The following DOLK variants were observed in gnomAD, a reference collection of about 807,000 sequenced individuals.
The protein encoded by DOLK is SEC59 homolog.
A neutral mutation model predicts 31.7 loss-of-function variants in DOLK; 20 were observed. The ratio of observed to expected loss-of-function variants is 0.63; its 90% CI spans 0.44 to 0.92. DOLK has a LOEUF of 0.92. DOLK is among the 40% of genes least tolerant of loss of function. The probability of loss-of-function intolerance (pLI) is 0.00; values close to 1 mark genes in which losing one functional copy is unlikely to be tolerated. For missense variants in DOLK, 594 were observed against 680.7 expected, an observed-to-expected ratio of 0.87 and a Z score of 1.42; for synonymous variants, 309 against 287.0, an observed-to-expected ratio of 1.08 and a Z score of -0.77.
Position 128,945,967 on chromosome 9 carries a change from G to GC in DOLK, c.1336dup (p.Ala446GlyfsTer6). ...GGCCACAGTATCACCCACACCCACAGCCAGGACACCGGCATAGGGGACGAG... is the reference window on the plus strand; with the variant it reads ...GGCCACAGTATCACCCACACCCACAGCCCAGGACACCGGCATAGGGGACGAG... On this transcript the variant is annotated frameshift_variant, in exon 1 of 1. Transcript: ENST00000372586. LOFTEE classifies it high-confidence loss of function. The GC allele has an allele frequency of 6.2e-7, 1 of 1,614,144 alleles. No individual in the cohort carries two copies. Among genetic ancestry groups the GC allele is most frequent in the Non-Finnish European group, 8.5e-7 (1 of 1,180,040 alleles).
rs752312814 is a variant in DOLK, at chr9:128,945,765, C to T, written c.1539G>A (p.Val513=). The change falls in exon 1 of 1, where the codon GTG becomes GTA. Residue 513 remains valine, a synonymous_variant. Transcript: ENST00000372586. ...YAWILGSIST[V]SLLEAYTTQI... ...GTGTAGTGTATGCTTCCAGGAGGGA[C>T]ACAGTGCTGATGGACCCCAAAATCC... 7 of 1,614,080 alleles carry T rather than the reference C, an allele frequency of 4.3e-6. No homozygotes were observed.
At position 128,946,665 on chromosome 9, in the gene DOLK, CAGAG is replaced by C. The variant is rs1385865865; in HGVS notation, c.635_638del (p.Ser212Ter). 3.7e-6 allele frequency: 6 copies of C among 1,614,016 alleles called. No individual in the cohort carries two copies. The highest frequency in any genetic ancestry group is 2.2e-5 in the South Asian group (2 of 91,074). On this transcript the variant is annotated frameshift_variant, in exon 1 of 1. Transcript: ENST00000372586. LOFTEE classifies it high-confidence loss of function. Reference sequence around the variant, plus strand: ...GGTCCCCCTGACTTTCCACCAGTGTCAGAGAGCGCTTGATGAGCTGGTTGAGGAC... The same window carrying C: ...GGTCCCCCTGACTTTCCACCAGTGTCAGCGCTTGATGAGCTGGTTGAGGAC...
chr9:128,946,572 C>T lies in DOLK; in HGVS notation c.732G>A (p.Leu244=), dbSNP rs1443741193. The T allele has an allele frequency of 1.9e-6, 3 of 1,614,000 alleles. No homozygotes were observed. The highest frequency in any genetic ancestry group is 1.7e-6 in the Non-Finnish European group (2 of 1,180,016). The change falls in exon 1 of 1, where the codon CTG becomes CTA. Residue 244 remains leucine, a synonymous_variant. Transcript: ENST00000372586. ...AGGTGCCTGAGTCCATGAAGACAAA[C>T]AGAGTGCTGAAGAAAATGCCCATGA... The part of the protein sequence containing the change: ...MVLMGIFFST[L]FVFMDSGTWA...
chr9:128,947,136 G>A lies in DOLK; in HGVS notation c.168C>T (p.Val56=). The change falls in exon 1 of 1, where the codon GTC becomes GTT. Residue 56 remains valine, a synonymous_variant. Coordinates refer to ENST00000372586, the MANE Select transcript of DOLK (RefSeq NM_014908.4). The part of the protein sequence containing the change: ...AVALAVQAFY[V]QYKWDRLLQQ... ...GTAGCAGCCGGTCCCACTTGTATTG[G>A]ACGTAGAAGGCCTGCACTGCGAGGG... is the stretch of plus-strand genomic sequence containing the variant. 1 of 1,613,950 alleles carries A rather than the reference G, an allele frequency of 6.2e-7. No individual in the cohort carries two copies. Among genetic ancestry groups the A allele is most frequent in the Non-Finnish European group, 8.5e-7 (1 of 1,180,022 alleles).
Position 128,946,301 on chromosome 9 carries a change from T to C in DOLK, c.1003A>G (p.Ile335Val). 6.2e-7 allele frequency: 1 copy of C among 1,614,030 alleles called. No homozygotes were observed. Among genetic ancestry groups the C allele is most frequent in the Non-Finnish European group, 8.5e-7 (1 of 1,179,998 alleles). Residue 335 changes from isoleucine (I) to valine (V), a missense_variant, in exon 1 of 1, where the codon ATC (isoleucine) becomes GTC (valine). Ile to Val is a conservative substitution (Grantham distance 29, BLOSUM62 3). Transcript: ENST00000372586. ...SESKKHQAPTIARKYFHLIVV... is the reference protein window; with the variant it reads ...SESKKHQAPTVARKYFHLIVV... ...ATGAGGTGGAAATACTTTCGGGCGA[T>C]GGTGGGGGCCTGGTGCTTCTTGGAC...
In DOLK at chr9:128,945,736, AT is replaced by A; in HGVS notation, c.1567del (p.Ile523Ter). The A allele has an allele frequency of 2.5e-6, 4 of 1,614,148 alleles. No homozygotes were observed. The highest frequency in any genetic ancestry group is 3.4e-6 in the Non-Finnish European group (4 of 1,180,018). The stretch of plus-strand genomic sequence containing the variant: ...GTAGAGAGGCAGAAGGAGATTGTCT[AT>A]CTGTGTAGTGTATGCTTCCAGGAGG... ...VSLLEAYTTQIDNLLLPLYLL... is the reference protein window; with the variant it reads ...VSLLEAYTTQXDNLLLPLYLL... On this transcript the variant is annotated frameshift_variant, in exon 1 of 1. Transcript: ENST00000372586. LOFTEE classifies it high-confidence loss of function.
In DOLK at chr9:128,946,500, A is replaced by G; in HGVS notation, c.804T>C (p.Leu268=). The G allele has an allele frequency of 6.2e-7, 1 of 1,614,118 alleles. No homozygotes were observed. The highest frequency in any genetic ancestry group is 1.3e-5 in the African/African-American group (1 of 75,004). Residue 268 remains leucine (L), a synonymous_variant, in exon 1 of 1, where the codon CTT becomes CTC. Coordinates refer to ENST00000372586, the MANE Select transcript of DOLK (RefSeq NM_014908.4). ...GGTGCAGCCAGGGTAGGACCACACC[A>G]AGGCTCAGCACACAGGTCATGAGGT... ...FFHLMTCVLS[L]GVVLPWLHRL... is the part of the protein sequence containing the mutation.
At position 128,945,835 on chromosome 9, in the gene DOLK, A is replaced by T. The variant is rs1249240066; in HGVS notation, c.1469T>A (p.Ile490Asn). Residue 490 changes from isoleucine to asparagine, a missense_variant, in exon 1 of 1, where the codon ATC (isoleucine) becomes AAC (asparagine). Coordinates refer to ENST00000372586, the MANE Select transcript of DOLK (RefSeq NM_014908.4). ...GTCCACTCCACTGTCAAAGATTAAG[A>T]TCAGAGCTACAGAAATGATCTGCGC... ...IFAQIISVALILIFDSGVDLN... is the reference protein window; with the variant it reads ...IFAQIISVALNLIFDSGVDLN... 1 of 1,614,190 alleles carries T rather than the reference A, an allele frequency of 6.2e-7. No individual in the cohort carries two copies. Among genetic ancestry groups the T allele is most frequent in the South Asian group, 1.1e-5 (1 of 91,082 alleles).
Position 128,947,472 on chromosome 9 carries a change from T to A in DOLK, c.-169A>T, listed in dbSNP as rs974333286. ...TCCACCGCAGGTCACTTCTGCGGCC[T>A]GGGAGCTGGCGCCCGGCCACCCCCC... On this transcript the variant is annotated 5_prime_UTR_variant, in exon 1 of 1. Coordinates refer to ENST00000372586, the MANE Select transcript of DOLK (RefSeq NM_014908.4). The A allele has an allele frequency of 2.0e-6, 2 of 996,482 alleles. No individual in the cohort carries two copies. The highest frequency in any genetic ancestry group is 1.6e-5 in the African/African-American group (1 of 61,710). 61.7% of individuals were successfully genotyped at this position (996,482 alleles called of 1,614,324 possible). A position where few individuals can be genotyped will look rare whatever the true frequency, so the allele number is the denominator to read the frequency against.
Position 128,945,814 on chromosome 9 carries a change from A to C in DOLK, c.1490T>G (p.Val497Gly). Residue 497 changes from valine to glycine, a missense_variant, in exon 1 of 1, where the codon GTG (valine) becomes GGG (glycine). Transcript: ENST00000372586. ...CCAAGCATAACTGTAGTTTAGGTCC[A>C]CTCCACTGTCAAAGATTAAGATCAG... ...VALILIFDSG[V>G]DLNYSYAWIL... 2 of 1,614,166 alleles carry C rather than the reference A, an allele frequency of 1.2e-6. No individual in the cohort carries two copies. Among genetic ancestry groups the C allele is most frequent in the Non-Finnish European group, 1.7e-6 (2 of 1,180,030 alleles).
Position 128,947,402 on chromosome 9 carries a change from G to A in DOLK, c.-99C>T. On this transcript the variant is annotated 5_prime_UTR_variant, in exon 1 of 1. Coordinates refer to ENST00000372586, the MANE Select transcript of DOLK (RefSeq NM_014908.4). ...CAAGCAGAGGGAGGCACTTTCACCCGGCCAGCAACCTTCTCCCTCCGTTCT... is the reference window on the plus strand; with the variant it reads ...CAAGCAGAGGGAGGCACTTTCACCCAGCCAGCAACCTTCTCCCTCCGTTCT... The A allele has an allele frequency of 6.9e-7, 1 of 1,459,682 alleles. No homozygotes were observed. Among genetic ancestry groups the A allele is most frequent in the East Asian group, 2.4e-5 (1 of 42,010 alleles). The allele number at this position is 1,459,682 out of a possible 1,614,324, so 90.4% of individuals were successfully genotyped here.
rs1287934509 is a variant in DOLK at position 128,946,459 on chromosome 9, T to C, written c.845A>G (p.Asn282Ser). The stretch of plus-strand genomic sequence containing the variant: ...AAACTGAAGAAGCCAGAGCAGGGGA[T>C]TCCTGCGGATGAGCCGGTGCAGCCA... ...LPWLHRLIRR[N>S]PLLWLLQFLF... The change falls in exon 1 of 1, where the codon AAT (asparagine) becomes AGT (serine). Residue 282 changes from asparagine (N) to serine (S), a missense_variant. Coordinates refer to ENST00000372586, the MANE Select transcript of DOLK (RefSeq NM_014908.4). 1.2e-6 allele frequency: 2 copies of C among 1,613,994 alleles called. No homozygotes were observed. Among genetic ancestry groups the C allele is most frequent in the Non-Finnish European group, 1.7e-6 (2 of 1,180,040 alleles).
Position 128,947,559 on chromosome 9 carries a change from C to T in DOLK, c.-256G>A, listed in dbSNP as rs1052217771. ...GCAGCCTTCCTCACAGTTACAGCCG[C>T]CCCCGCTGCCGGCTCCTCACCTCTT... On this transcript the variant is annotated 5_prime_UTR_variant, in exon 1 of 1. Transcript: ENST00000372586. The T allele has an allele frequency of 2.7e-5, 27 of 995,350 alleles. No homozygotes were observed. The highest frequency in any genetic ancestry group is 3.9e-5 in the Non-Finnish European group (27 of 688,072). The allele number at this position is 995,350 out of a possible 1,614,324, so 61.7% of individuals were successfully genotyped here.
chr9:128,946,562 T>A lies in DOLK; in HGVS notation c.742A>T (p.Met248Leu). 6.2e-7 allele frequency: 1 copy of A among 1,614,086 alleles called. No individual in the cohort carries two copies. Among genetic ancestry groups the A allele is most frequent in the East Asian group, 2.2e-5 (1 of 44,872 alleles). ...GAGGAGGCCCAGGTGCCTGAGTCCATGAAGACAAACAGAGTGCTGAAGAAA... is the reference window on the plus strand; with the variant it reads ...GAGGAGGCCCAGGTGCCTGAGTCCAAGAAGACAAACAGAGTGCTGAAGAAA... ...GIFFSTLFVF[M>L]DSGTWASSIF... The change falls in exon 1 of 1, where the codon ATG becomes TTG. Residue 248 changes from methionine (M) to leucine (L), a missense_variant. Transcript: ENST00000372586.
chr9:128,946,884 A>G lies in DOLK; in HGVS notation c.420T>C (p.Thr140=). The change falls in exon 1 of 1, where the codon ACT becomes ACC. Residue 140 remains threonine (T), a synonymous_variant. Transcript: ENST00000372586. ...CTCCAGCCAAGCCCAAGATGACACA[A>G]GTGTTGGTTGGCACTGGGCGAGTGA... ...LGITRPVPTN[T]CVILGLAGGV... 1 of 1,607,624 alleles carries G rather than the reference A, an allele frequency of 6.2e-7. No individual in the cohort carries two copies. The highest frequency in any genetic ancestry group is 8.5e-7 in the Non-Finnish European group (1 of 1,179,972).
At position 128,946,770 on chromosome 9, in the gene DOLK, G is replaced by T. The variant is rs1201588280; in HGVS notation, c.534C>A (p.Asn178Lys). Residue 178 changes from asparagine to lysine, a missense_variant, in exon 1 of 1, where the codon AAC becomes AAA. Coordinates refer to ENST00000372586, the MANE Select transcript of DOLK (RefSeq NM_014908.4). ...GGGGCAGCAGGTACAGCAGGATCAT[G>T]TTGAGATAAACGAAGATCAGAAGGA... ...LEVLLIFVYL[N>K]MILLYLLPRC... The T allele has an allele frequency of 1.2e-6, 2 of 1,613,942 alleles. No individual in the cohort carries two copies. The highest frequency in any genetic ancestry group is 1.3e-5 in the African/African-American group (1 of 74,898).
In DOLK at chr9:128,946,295, G is replaced by A. The variant is rs1276394817; in HGVS notation, c.1009C>T (p.Arg337Ter). 1.2e-6 allele frequency: 2 copies of A among 1,614,108 alleles called. No individual in the cohort carries two copies. The highest frequency in any genetic ancestry group is 1.7e-6 in the Non-Finnish European group (2 of 1,180,032). ...ACCACAATGAGGTGGAAATACTTTC[G>A]GGCGATGGTGGGGGCCTGGTGCTTC... ...SKKHQAPTIA[R>*]KYFHLIVVAT... is the part of the protein sequence containing the mutation. The change falls in exon 1 of 1, where the codon CGA becomes TGA. Residue 337 changes from arginine to a stop codon, truncating the protein, a stop_gained. Coordinates refer to ENST00000372586, the MANE Select transcript of DOLK (RefSeq NM_014908.4). LOFTEE classifies it high-confidence loss of function.
At position 128,947,139 on chromosome 9, in the gene DOLK, G is replaced by A. The variant is rs1366267146; in HGVS notation, c.165C>T (p.Tyr55=). 3 of 1,613,768 alleles carry A rather than the reference G, an allele frequency of 1.9e-6. No individual in the cohort carries two copies. The highest frequency in any genetic ancestry group is 1.1e-5 in the South Asian group (1 of 91,086). The change falls in exon 1 of 1, where the codon TAC becomes TAT. Residue 55 remains tyrosine, a synonymous_variant. Coordinates refer to ENST00000372586, the MANE Select transcript of DOLK (RefSeq NM_014908.4). The part of the protein sequence containing the change: ...CAVALAVQAF[Y]VQYKWDRLLQ... ...GCAGCCGGTCCCACTTGTATTGGAC[G>A]TAGAAGGCCTGCACTGCGAGGGCCA...
chr9:128,945,984 G>A lies in DOLK; in HGVS notation c.1320C>T (p.Pro440=). Residue 440 remains proline, a synonymous_variant, in exon 1 of 1, where the codon CCC becomes CCT. Coordinates refer to ENST00000372586, the MANE Select transcript of DOLK (RefSeq NM_014908.4). ...GSLGGARALV[P]YAGVLAVGVG... ...CACCCACAGCCAGGACACCGGCATAGGGGACGAGGGCCCTGGCTCCTCCCA... is the reference window on the plus strand; with the variant it reads ...CACCCACAGCCAGGACACCGGCATAAGGGACGAGGGCCCTGGCTCCTCCCA... The A allele has an allele frequency of 6.2e-7, 1 of 1,614,174 alleles. No individual in the cohort carries two copies. The highest frequency in any genetic ancestry group is 1.1e-5 in the South Asian group (1 of 91,084).
Sources: allele counts gnomAD v4.1 joint callset, GRCh38; gene constraint gnomAD v4.1.1; transcripts MANE v1.5; gene names NCBI Gene and HGNC (gene_info 2026-07-23, HGNC 2026-07-21).